SMYD3: variants seen among roughly 807,000 people sequenced by gnomAD.
SMYD3 encodes the protein SET and MYND domain containing 3, also known as histone-lysine N-methyltransferase SMYD3.
SMYD3 carries 36 observed loss-of-function variants against 57.7 expected under a neutral mutation model. The observed-to-expected ratio is 0.62, with a 90% CI of 0.48 to 0.82. The LOEUF is 0.82. Among genes scored for constraint, SMYD3 ranks in the 40% least tolerant of loss-of-function variants. The pLI is 0.00. For synonymous variants in SMYD3, 211 were observed against 195.0 expected (o/e 1.08, Z -0.68); for missense variants, 515 against 538.8 (o/e 0.96, Z 0.44).
chr1:246,090,992 G>C (rs984809035), intron 5 of SMYD3, among the ~76,000 whole-genome samples: 1 of 152,192 alleles, frequency 6.6e-6, no homozygotes, highest in African/African-American at 2.4e-5. Context: ...GAAATGGTGA[G>C]CAGAGGAACG....
chr1:245,949,038 CAGGCCTA>C (rs2057524637), intron 5 of SMYD3, among the ~76,000 whole-genome samples: 1 of 152,230 alleles, frequency 6.6e-6, no homozygotes, highest in Non-Finnish European at 1.5e-5. Context: ...GTGCCAACTG[CAGGCCTA>C]AGGACCGGAC....
chr1:246,295,647 C>T (rs1307066946), intron 5 of SMYD3, among the ~76,000 whole-genome samples: 1 of 152,006 alleles, frequency 6.6e-6, no homozygotes. Flanking sequence ...TCTGTTGGAC[C>T]AAAACCAAGA....
intron 8 of SMYD3, among the ~76,000 whole-genome samples, chr1:245,914,113 G>A (rs2055221847): frequency 6.6e-6 from 1 of 152,124 alleles, no homozygotes; most frequent in South Asian, 2.1e-4. Flanking sequence ...GGAGGTGAAA[G>A]GCCTCTACAA....
In SMYD3 at chr1:246,124,950, T is replaced by C. The variant is rs551004684; in HGVS notation, c.532-195013A>G. 2.7e-3 allele frequency among the ~76,000 whole-genome samples: 408 copies of C among 152,056 alleles called. 2 individuals are homozygous for C. Among genetic ancestry groups the C allele is most frequent in the African/African-American group, 9.1e-3 (377 of 41,494 alleles). ...AGCCGGGCGTGGTGGCGGGCGCCTG[T>C]AGTCCCAGCTACTGGGAAGGCTGAG... On this transcript the variant is annotated intron_variant, in intron 5 of 11. Coordinates refer to ENST00000490107, the MANE Select transcript of SMYD3 (RefSeq NM_001167740.2).
At chr1:246,233,341 C>T (rs1313467005) in intron 5 of SMYD3, among the ~76,000 whole-genome samples, 2 of 123,464 alleles carry the variant, frequency 1.6e-5, no homozygotes, top group African/African-American at 6.2e-5. Context: ...AGAGGAGAAG[C>T]GCTCCCCAAT....
rs573892519 is a variant in SMYD3, at chr1:246,306,223, C to T, written c.531+20978G>A. Among the ~76,000 whole-genome samples, 7 of 152,212 alleles carry T rather than the reference C, an allele frequency of 4.6e-5. No homozygotes were observed. In the East Asian group the frequency reaches 1.4e-3, roughly 29 times the overall value. ...GCGTGGTGGCGCCTGCCTGTAGTCC[C>T]ATAGTCCCAGCTACTTGGGAGGCTG... On this transcript the variant is annotated intron_variant, in intron 5 of 11. Coordinates refer to ENST00000490107, the MANE Select transcript of SMYD3 (RefSeq NM_001167740.2).
intron 5 of SMYD3, among the ~76,000 whole-genome samples, chr1:246,032,010 C>G (rs919665007): frequency 2.0e-5 from 3 of 152,126 alleles, no homozygotes; most frequent in South Asian, 2.1e-4. Context: ...CTTACACCCT[C>G]GAAGCAACGT....
chr1:246,067,745 TCTC>T (rs1412656564), intron 5 of SMYD3, among the ~76,000 whole-genome samples: 1 of 152,130 alleles, frequency 6.6e-6, no homozygotes, highest in Non-Finnish European at 1.5e-5. Context: ...ACGATTTACA[TCTC>T]CTCTTATTTC....
intron 5 of SMYD3, among the ~76,000 whole-genome samples, chr1:245,938,359 C>T (rs940935923): frequency 2.2e-4 from 34 of 152,178 alleles, no homozygotes; most frequent in Non-Finnish European, 3.8e-4. Flanking sequence ...TCTTTGGTTG[C>T]CCAAGCATGC....
At chr1:246,413,810 C>T (rs1558453153) in intron 1 of SMYD3, among the ~76,000 whole-genome samples, 2 of 152,136 alleles carry the variant, frequency 1.3e-5, no homozygotes, top group East Asian at 3.8e-4. Flanking sequence ...CCAAGGAAAC[C>T]TCTTATCTTT....
At position 246,355,161 on chromosome 1, in the gene SMYD3, G is replaced by A. The variant is rs1346811934; in HGVS notation, c.165-67C>T. 2 of 1,480,730 alleles carry A rather than the reference G, an allele frequency of 1.4e-6. No homozygotes were observed. The highest frequency in any genetic ancestry group is 2.8e-5 in the African/African-American group (2 of 72,044). 91.7% of individuals were successfully genotyped at this position (1,480,730 alleles called of 1,614,324 possible). A position where few individuals can be genotyped will look rare whatever the true frequency, so the allele number is the denominator to read the frequency against. ...GAAACATAGTACATAGTTGAAGAAA[G>A]AAAACATAAGTCAACATACGGACAC... is the stretch of plus-strand genomic sequence containing the variant. On this transcript the variant is annotated intron_variant, in intron 1 of 11. Transcript: ENST00000490107. This position sits in a 1 kb window ranked among gnomAD's most constrained non-coding sequence, Gnocchi z 5.0.
At chr1:246,358,841 T>C (rs923778379) in intron 1 of SMYD3, among the ~76,000 whole-genome samples, 6 of 152,166 alleles carry the variant, frequency 3.9e-5, no homozygotes, top group Non-Finnish European at 4.4e-5. Context: ...TTCGGAGCAT[T>C]AAATGCCTAC....
intron 11 of SMYD3, among the ~76,000 whole-genome samples, chr1:245,752,622 C>G (rs2045438814): frequency 6.6e-6 from 1 of 152,194 alleles, no homozygotes; most frequent in Non-Finnish European, 1.5e-5. Flanking sequence ...AGAGTAAGGT[C>G]TACTCCCCAC....
intron 5 of SMYD3, among the ~76,000 whole-genome samples, chr1:246,124,150 G>A (rs2061468801): frequency 6.6e-6 from 1 of 152,138 alleles, no homozygotes; most frequent in Non-Finnish European, 1.5e-5. Flanking sequence ...TATTGCAAAA[G>A]CAACTGTTTT....
At chr1:246,125,210 C>T (rs907111631) in intron 5 of SMYD3, among the ~76,000 whole-genome samples, 3 of 152,196 alleles carry the variant, frequency 2.0e-5, no homozygotes, top group Non-Finnish European at 4.4e-5. Flanking sequence ...GAATAGTCTT[C>T]CTTAGTACTT....
At chr1:245,774,454 T>C (rs1313758146) in intron 10 of SMYD3, among the ~76,000 whole-genome samples, 2 of 152,182 alleles carry the variant, frequency 1.3e-5, no homozygotes, top group African/African-American at 4.8e-5. Flanking sequence ...ACTCCTCCTC[T>C]AGAATTCTAC....
At chr1:245,922,609 A>AT (rs33954209) in intron 7 of SMYD3, among the ~76,000 whole-genome samples, 48,663 of 150,276 alleles carry the variant, frequency 0.32, 8,989 homozygotes, top group East Asian at 0.84. Flanking sequence ...CTAATGTCAT[A>AT]TTTTTTTTTT....
At position 246,459,758 on chromosome 1, in the gene SMYD3, G is replaced by A. The variant is rs78660451; in HGVS notation, c.164+47296C>T. Among the ~76,000 whole-genome samples, 1,322 of 152,196 alleles carry A rather than the reference G, an allele frequency of 8.7e-3. 24 individuals are homozygous for A. Among genetic ancestry groups the A allele is most frequent in the African/African-American group, 0.028 (1,183 of 41,522 alleles). On this transcript the variant is annotated intron_variant, in intron 1 of 11. Coordinates refer to ENST00000490107, the MANE Select transcript of SMYD3 (RefSeq NM_001167740.2). ...TGAAACTACTAACTCATGGCATACA[G>A]TAAATATCAAAAGACTAATTTATTC...
rs1266819127 is a variant in SMYD3 at position 246,507,003 on chromosome 1, A to G, written c.164+51T>C. ...GGCCGCCCGACGCCCCCCCCTCCCC[A>G]GCACCCCACACAGCTCGCGACTCAG... is the stretch of plus-strand genomic sequence containing the variant. On this transcript the variant is annotated intron_variant, in intron 1 of 11. Coordinates refer to ENST00000490107, the MANE Select transcript of SMYD3 (RefSeq NM_001167740.2). 11 of 691,708 alleles carry G rather than the reference A, an allele frequency of 1.6e-5. No homozygotes were observed. In the African/African-American group the frequency reaches 2.7e-4, roughly 17 times the overall value. 42.8% of individuals were successfully genotyped at this position (691,708 alleles called of 1,614,324 possible). A position where few individuals can be genotyped will look rare whatever the true frequency, so the allele number is the denominator to read the frequency against.
Sources: allele counts gnomAD v4.1 joint callset (sites outside exome capture counted in the v4.1 genomes callset), GRCh38; gene constraint gnomAD v4.1.1; non-coding constraint Gnocchi (gnomAD v3.1); transcripts MANE v1.5; gene names NCBI Gene and HGNC (gene_info 2026-07-23, HGNC 2026-07-21).